Variants in GALNTL6 observed in about 807,000 individuals in gnomAD.
GALNTL6 encodes polypeptide N-acetylgalactosaminyltransferase like 6, also known as polypeptide N-acetylgalactosaminyltransferase-like 6.
In GALNTL6, 46 loss-of-function variants were observed where a neutral mutation model predicts 73.7. That is an observed-to-expected ratio of 0.62 (90% CI 0.49 to 0.80). GALNTL6 has a LOEUF of 0.80. Among genes scored for constraint, GALNTL6 ranks in the 30% least tolerant of loss-of-function variants. The pLI, the probability that GALNTL6 is intolerant of heterozygous loss-of-function variation, is 0.00. For missense variants in GALNTL6, 604 were observed against 755.0 expected, an observed-to-expected ratio of 0.80 and a Z score of 2.34; for synonymous variants, 259 against 263.7, an observed-to-expected ratio of 0.98 and a Z score of 0.17.
intron 5 of GALNTL6, among the ~76,000 whole-genome samples, chr4:172,570,368 C>A (rs1334966984): frequency 6.6e-6 from 1 of 152,132 alleles, no homozygotes; most frequent in Non-Finnish European, 1.5e-5. Context: ...TGATTTGATT[C>A]CCTAATACAA....
At chr4:172,459,203 G>T (rs553929792) in intron 5 of GALNTL6, among the ~76,000 whole-genome samples, 1 of 152,110 alleles carries the variant, frequency 6.6e-6, no homozygotes, top group Non-Finnish European at 1.5e-5. Flanking sequence ...AACCAGTGTT[G>T]GAATGTATCT....
rs560250280 is a variant in GALNTL6 at position 172,014,825 on chromosome 4, C to A, written c.138+200107C>A. Reference sequence around the variant, plus strand: ...TGTTGACCCAAAGATCATTCAAGAGCAGATTATTTAATTTGCATGTATTTG... The same window carrying A: ...TGTTGACCCAAAGATCATTCAAGAGAAGATTATTTAATTTGCATGTATTTG... On this transcript the variant is annotated intron_variant, in intron 2 of 12. Coordinates refer to ENST00000506823, the MANE Select transcript of GALNTL6 (RefSeq NM_001034845.3). Among the ~76,000 whole-genome samples the A allele has an allele frequency of 1.3e-3, 198 of 152,138 alleles. 1 individual carries two copies. The highest frequency in any genetic ancestry group is 2.6e-3 in the African/African-American group (106 of 41,520).
intron 3 of GALNTL6, among the ~76,000 whole-genome samples, chr4:172,233,205 CAAAAAA>C: frequency 9.5e-6 from 1 of 104,714 alleles, no homozygotes; most frequent in African/African-American, 3.7e-5. Flanking sequence ...CTCATCTCTC[CAAAAAA>C]AAAAAAAAAA....
chr4:172,759,083 C>T (rs1356113688), intron 5 of GALNTL6, among the ~76,000 whole-genome samples: 1 of 152,168 alleles, frequency 6.6e-6, no homozygotes, highest in Non-Finnish European at 1.5e-5. Context: ...TAGCTCTGAG[C>T]CTTCATCTGC....
chr4:172,014,608 C>T (rs113885685), intron 2 of GALNTL6, among the ~76,000 whole-genome samples: 2,719 of 151,712 alleles, frequency 0.018, 81 homozygotes, highest in African/African-American at 0.058. Context: ...TTGATTTGTT[C>T]TTGTTTCTCT....
chr4:172,470,604 G>A (rs543629070), intron 5 of GALNTL6, among the ~76,000 whole-genome samples: 19 of 152,186 alleles, frequency 1.2e-4, no homozygotes, highest in South Asian at 1.0e-3. Flanking sequence ...GTAGCACAGC[G>A]CAAAGGTATT....
intron 5 of GALNTL6, among the ~76,000 whole-genome samples, chr4:172,761,175 T>A (rs1345303182): frequency 2.6e-5 from 4 of 152,060 alleles, no homozygotes; most frequent in Non-Finnish European, 5.9e-5. Context: ...GAAAAAAAAA[T>A]TAGGTGGTAC....
At chr4:172,610,316 C>A (rs12163735) in intron 5 of GALNTL6, among the ~76,000 whole-genome samples, 79,395 of 151,788 alleles carry the variant, frequency 0.52, 21,607 homozygotes, top group East Asian at 0.77. Flanking sequence ...GATCTTTCTA[C>A]CTTTTTGATA....
intron 5 of GALNTL6, among the ~76,000 whole-genome samples, chr4:172,464,679 C>T (rs546422322): frequency 6.6e-6 from 1 of 151,854 alleles, no homozygotes; most frequent in South Asian, 2.1e-4. Context: ...TGCACTCCAG[C>T]CTGGGTGAGA....
In GALNTL6 at chr4:172,107,373, T is replaced by C. The variant is rs188441996; in HGVS notation, c.139-122283T>C. Among the ~76,000 whole-genome samples the C allele has an allele frequency of 1.9e-3, 286 of 152,218 alleles. 1 individual carries two copies. The highest frequency in any genetic ancestry group is 6.1e-3 in the Admixed American group (94 of 15,286). ...GAAAGACATTGGTCCTCACAAACAC[T>C]GCAAAAATTAGTAGTAATGTTTAAA... is the stretch of plus-strand genomic sequence containing the variant. On this transcript the variant is annotated intron_variant, in intron 2 of 12. Coordinates refer to ENST00000506823, the MANE Select transcript of GALNTL6 (RefSeq NM_001034845.3).
rs114147725 is a variant in GALNTL6, at chr4:172,277,280, C to T, written c.248-34334C>T. On this transcript the variant is annotated intron_variant, in intron 3 of 12. Coordinates refer to ENST00000506823, the MANE Select transcript of GALNTL6 (RefSeq NM_001034845.3). Reference sequence around the variant, plus strand: ...AAAAAATGCAAAAAAAAAAATACTTCGCAACAGTGGGAGTTTCTATGACAT... The same window carrying T: ...AAAAAATGCAAAAAAAAAAATACTTTGCAACAGTGGGAGTTTCTATGACAT... Among the ~76,000 whole-genome samples the T allele has an allele frequency of 3.2e-3, 485 of 151,668 alleles. 4 individuals carry two copies. The highest frequency in any genetic ancestry group is 0.011 in the African/African-American group (438 of 41,390).
At chr4:172,084,572 ATT>A (rs1256681350) in intron 2 of GALNTL6, among the ~76,000 whole-genome samples, 1 of 152,162 alleles carries the variant, frequency 6.6e-6, no homozygotes, top group Non-Finnish European at 1.5e-5. Context: ...GGTCTGCATC[ATT>A]TTAACTGTGG....
intron 4 of GALNTL6, among the ~76,000 whole-genome samples, chr4:172,320,835 G>A (rs537472219): frequency 1.3e-5 from 2 of 152,148 alleles, no homozygotes; most frequent in Non-Finnish European, 2.9e-5. Flanking sequence ...GGCTGAATGT[G>A]GGCAACCCAA....
intron 5 of GALNTL6, among the ~76,000 whole-genome samples, chr4:172,649,837 GTA>G: frequency 6.6e-6 from 1 of 152,204 alleles, no homozygotes; most frequent in Middle Eastern, 3.4e-3. Flanking sequence ...TACATATTAT[GTA>G]TGTTATTTTT....
chr4:172,643,636 G>T (rs567541015), intron 5 of GALNTL6, among the ~76,000 whole-genome samples: 1 of 152,014 alleles, frequency 6.6e-6, no homozygotes, highest in South Asian at 2.1e-4. Context: ...AGTTTTGTCT[G>T]GGTTTCAATG....
At chr4:171,834,156 A>G (rs1560806325) in intron 2 of GALNTL6, among the ~76,000 whole-genome samples, 1 of 152,016 alleles carries the variant, frequency 6.6e-6, no homozygotes, top group Non-Finnish European at 1.5e-5. Context: ...ATTAATGCTT[A>G]TATTTCAGGA....
chr4:171,875,266 T>C (rs887045203), intron 2 of GALNTL6, among the ~76,000 whole-genome samples: 4 of 152,126 alleles, frequency 2.6e-5, no homozygotes. Flanking sequence ...ATTAAGGAAA[T>C]AAGAGTAGAC....
chr4:172,295,489 C>A (rs1293514385), intron 3 of GALNTL6, among the ~76,000 whole-genome samples: 10 of 146,154 alleles, frequency 6.8e-5, no homozygotes, highest in Admixed American at 6.8e-4. Flanking sequence ...TAGTTATTAT[C>A]CCCGCATGGT....
intron 2 of GALNTL6, among the ~76,000 whole-genome samples, chr4:172,131,417 A>ATG (rs1733490066): frequency 1.0e-5 from 1 of 98,264 alleles, no homozygotes; most frequent in Admixed American, 1.1e-4. Context: ...ATATATATAT[A>ATG]TATATATATA....
Sources: gnomAD v4.1 joint callset for allele counts (sites outside exome capture counted in the v4.1 genomes callset) on GRCh38, gnomAD v4.1.1 for gene constraint, MANE v1.5 for transcripts, NCBI Gene and HGNC (gene_info 2026-07-23, HGNC 2026-07-21) for gene names.